The following CFAP299 variants were observed in gnomAD, a reference collection of about 807,000 sequenced individuals.
CFAP299 encodes the protein cilia- and flagella-associated protein 299.
Under a neutral mutation model 27.0 loss-of-function variants are expected in CFAP299, and 21 were observed. That is an observed-to-expected ratio of 0.78 (90% confidence interval 0.55 to 1.12). The LOEUF (loss-of-function observed/expected upper bound fraction) is 1.12, where lower values mean the gene tolerates loss of function less well. CFAP299 is among the 50% of genes most tolerant of loss of function. The pLI is 0.00. For missense variants in CFAP299, 310 were observed against 276.6 expected (o/e 1.12, Z -0.86); for synonymous variants, 104 against 98.1 (o/e 1.06, Z -0.36).
At chr4:80,737,220 G>T (rs71596031) in intron 3 of CFAP299, among the ~76,000 whole-genome samples, 1 of 151,286 alleles carries the variant, frequency 6.6e-6, no homozygotes, top group Non-Finnish European at 1.5e-5. Flanking sequence ...GCTAGATGAC[G>T]AGTTAGTGGG....
chr4:80,492,946 C>G (rs892913040), intron 2 of CFAP299, among the ~76,000 whole-genome samples: 1 of 152,040 alleles, frequency 6.6e-6, no homozygotes, highest in Non-Finnish European at 1.5e-5. Flanking sequence ...AGGGTTGTGG[C>G]CTTTTAGTGG....
chr4:80,641,032 T>A (rs550759015), intron 3 of CFAP299, among the ~76,000 whole-genome samples: 1 of 152,274 alleles, frequency 6.6e-6, no homozygotes, highest in Non-Finnish European at 1.5e-5. Context: ...ATGAATTACA[T>A]GAATTTGAAT....
At chr4:80,445,447 T>A (rs960998788) in intron 2 of CFAP299, among the ~76,000 whole-genome samples, 4 of 152,070 alleles carry the variant, frequency 2.6e-5, no homozygotes, top group African/African-American at 9.7e-5. Context: ...CACCACATAT[T>A]CTCACTTATA....
intron 4 of CFAP299, among the ~76,000 whole-genome samples, chr4:80,941,196 G>A (rs1055730259): frequency 6.6e-6 from 1 of 152,094 alleles, no homozygotes; most frequent in East Asian, 1.9e-4. Flanking sequence ...AGAAAAGTCT[G>A]TACATGTTCA....
intron 3 of CFAP299, chr4:80,608,273 G>C (rs748073725): frequency 7.0e-5 from 77 of 1,102,074 alleles, no homozygotes; most frequent in Non-Finnish European, 8.4e-5. Flanking sequence ...ACTTTAGATA[G>C]GAGATTTGTT....
intron 3 of CFAP299, among the ~76,000 whole-genome samples, chr4:80,669,055 G>A (rs375915016): frequency 1.9e-4 from 28 of 148,510 alleles, no homozygotes; most frequent in Admixed American, 3.4e-4. Context: ...TCAGTTCCTA[G>A]GTATTTTATA....
chr4:80,390,431 T>C (rs1725262544), intron 2 of CFAP299, among the ~76,000 whole-genome samples: 1 of 151,400 alleles, frequency 6.6e-6, no homozygotes, highest in African/African-American at 2.4e-5. Context: ...CATAGTGATG[T>C]TGCAGATGAT....
At chr4:80,869,091 G>T (rs1732924528) in intron 3 of CFAP299, among the ~76,000 whole-genome samples, 1 of 151,968 alleles carries the variant, frequency 6.6e-6, no homozygotes. Flanking sequence ...GCTAGACATT[G>T]GTCTGTAGTG....
At chr4:80,797,245 G>A (rs1315871700) in intron 3 of CFAP299, among the ~76,000 whole-genome samples, 5 of 152,128 alleles carry the variant, frequency 3.3e-5, no homozygotes, top group Non-Finnish European at 7.4e-5. Flanking sequence ...AGTGTAGTTT[G>A]GTCCTTCCTC....
At chr4:80,942,702 T>A (rs555069805) in intron 4 of CFAP299, among the ~76,000 whole-genome samples, 63 of 152,128 alleles carry the variant, frequency 4.1e-4, no homozygotes, top group Non-Finnish European at 8.1e-4. Flanking sequence ...AAGATAGGAA[T>A]GTGTAATATA....
intron 3 of CFAP299, among the ~76,000 whole-genome samples, chr4:80,651,772 C>T (rs2109970537): frequency 6.7e-6 from 1 of 149,150 alleles, no homozygotes; most frequent in African/African-American, 2.5e-5. Context: ...AATAAATAGG[C>T]ACAGAAGAGA....
intron 2 of CFAP299, among the ~76,000 whole-genome samples, chr4:80,580,237 A>C (rs1736095548): frequency 6.6e-6 from 1 of 152,068 alleles, no homozygotes; most frequent in Non-Finnish European, 1.5e-5. Context: ...TTACATTCTC[A>C]TGAGGTGAAA....
intron 2 of CFAP299, among the ~76,000 whole-genome samples, chr4:80,567,816 A>C (rs909992815): frequency 2.6e-5 from 4 of 151,354 alleles, no homozygotes. Flanking sequence ...AAACCAATAC[A>C]TAATTAGAAT....
At chr4:80,953,617 T>A (rs1168794707) in intron 5 of CFAP299, among the ~76,000 whole-genome samples, 1 of 152,196 alleles carries the variant, frequency 6.6e-6, no homozygotes, top group Non-Finnish European at 1.5e-5. Context: ...ACTTTAATTT[T>A]ATATGCAGTA....
chr4:80,733,203 C>T (rs1280444736), intron 3 of CFAP299, among the ~76,000 whole-genome samples: 1 of 152,060 alleles, frequency 6.6e-6, no homozygotes, highest in South Asian at 2.1e-4. Context: ...TAATGAACTA[C>T]TAAGTTACTC....
intron 2 of CFAP299, among the ~76,000 whole-genome samples, chr4:80,516,024 T>A (rs568578161): frequency 6.7e-6 from 1 of 148,990 alleles, no homozygotes; most frequent in South Asian, 2.2e-4. Flanking sequence ...TTTCTTTTTT[T>A]TTTTTTTTTT....
intron 3 of CFAP299, among the ~76,000 whole-genome samples, chr4:80,588,206 A>AGAAGTG (rs1736545398): frequency 6.6e-6 from 1 of 150,994 alleles, no homozygotes; most frequent in Admixed American, 6.6e-5. Context: ...TGGGAGATGG[A>AGAAGTG]GAAGTGGCTC....
At chr4:80,383,682 A>G (rs1256098597) in intron 2 of CFAP299, among the ~76,000 whole-genome samples, 1 of 152,230 alleles carries the variant, frequency 6.6e-6, no homozygotes, top group Non-Finnish European at 1.5e-5. Context: ...TTAAGAAAAA[A>G]GCAACTTTCC....
At chr4:80,744,377 A>G (rs1724461243) in intron 3 of CFAP299, among the ~76,000 whole-genome samples, 1 of 138,464 alleles carries the variant, frequency 7.2e-6, no homozygotes, top group South Asian at 2.7e-4. Context: ...CAGCCAGCCC[A>G]GAAGTGTTTT....
Sources: allele counts gnomAD v4.1 joint callset (sites outside exome capture counted in the v4.1 genomes callset), GRCh38; gene constraint gnomAD v4.1.1; transcripts MANE v1.5; gene names NCBI Gene and HGNC (gene_info 2026-07-23, HGNC 2026-07-21).